Variants in CFTR observed in about 807,000 individuals in gnomAD.
CFTR encodes the protein CF transmembrane conductance regulator.
CFTR carries 181 observed loss-of-function variants against 171.6 expected under a neutral mutation model. That is an observed-to-expected ratio of 1.05 (90% CI 0.93 to 1.19). The LOEUF is 1.19. Ranked by LOEUF, CFTR falls within the 50% of genes most tolerant of loss-of-function variation. The probability of loss-of-function intolerance (pLI) is 0.00; values close to 1 mark genes in which losing one functional copy is unlikely to be tolerated. For missense variants in CFTR, 1,968 were observed against 1,734.7 expected, an observed-to-expected ratio of 1.13 and a Z score of -2.39; for synonymous variants, 583 against 608.0, an observed-to-expected ratio of 0.96 and a Z score of 0.60.
chr7:117,533,471 T>C (rs916182296), intron 4 of CFTR, among the ~76,000 whole-genome samples: 1 of 152,112 alleles, frequency 6.6e-6, no homozygotes, highest in Non-Finnish European at 1.5e-5. Flanking sequence ...GAAGAAGGGA[T>C]TGTGTTTTCA....
intron 1 of CFTR, among the ~76,000 whole-genome samples, chr7:117,492,918 C>T (rs556163899): frequency 6.6e-6 from 1 of 151,994 alleles, no homozygotes; most frequent in Admixed American, 6.6e-5. Flanking sequence ...AAGGAAGTTA[C>T]CATTTTTTTT....
At chr7:117,541,204 G>A (rs548695064) in intron 8 of CFTR, among the ~76,000 whole-genome samples, 5 of 152,202 alleles carry the variant, frequency 3.3e-5, no homozygotes, top group African/African-American at 1.2e-4. Flanking sequence ...GTAGCTCTGG[G>A]AATCATCTTG....
intron 18 of CFTR, among the ~76,000 whole-genome samples, chr7:117,607,691 AAAG>A (rs896966837): frequency 8.5e-5 from 13 of 152,312 alleles, no homozygotes; most frequent in South Asian, 6.2e-4. Flanking sequence ...ATATAAAACA[AAAG>A]AAGGATTATC....
intron 22 of CFTR, among the ~76,000 whole-genome samples, chr7:117,637,603 G>A (rs1429170904): frequency 6.6e-6 from 1 of 151,984 alleles, no homozygotes; most frequent in East Asian, 1.9e-4. Context: ...GGGGCCAGGT[G>A]CGGTGGCTCA....
intron 21 of CFTR, among the ~76,000 whole-genome samples, chr7:117,625,532 A>G (rs769355275): frequency 6.6e-6 from 1 of 152,170 alleles, no homozygotes; most frequent in Non-Finnish European, 1.5e-5. Context: ...TAAATGTTTT[A>G]TAGATTGTTT....
rs1313066907 is a variant in CFTR at position 117,605,233 on chromosome 7, T to G, written c.2909-1441T>G. Among the ~76,000 whole-genome samples the G allele has an allele frequency of 2.6e-5, 4 of 152,260 alleles. No homozygotes were observed. The East Asian group carries it at 7.7e-4, about 29-fold the overall frequency. On this transcript the variant is annotated intron_variant, in intron 17 of 26. Coordinates refer to ENST00000003084, the MANE Select transcript of CFTR (RefSeq NM_000492.4). ...TGAAATATAATAAGCACCAGGATGG[T>G]TTTTTCTTTCCACCAAAGCAAATTT...
intron 22 of CFTR, among the ~76,000 whole-genome samples, chr7:117,629,040 A>T (rs1792697921): frequency 6.6e-6 from 1 of 152,158 alleles, no homozygotes; most frequent in Admixed American, 6.6e-5. Context: ...AAACTCAAGC[A>T]AGCCCTAGTA....
intron 7 of CFTR, among the ~76,000 whole-genome samples, chr7:117,539,167 T>C (rs1055143065): frequency 6.6e-6 from 1 of 152,138 alleles, no homozygotes; most frequent in Non-Finnish European, 1.5e-5. Context: ...CCAATTTGGA[T>C]GGCTTCGGGA....
At chr7:117,572,477 C>A (rs1295652713) in intron 11 of CFTR, among the ~76,000 whole-genome samples, 3 of 152,166 alleles carry the variant, frequency 2.0e-5, no homozygotes, top group African/African-American at 7.2e-5. Context: ...TATTTAGTAT[C>A]TATTTTCTGC....
chr7:117,523,238 T>C (rs958930814), intron 3 of CFTR, among the ~76,000 whole-genome samples: 5 of 152,162 alleles, frequency 3.3e-5, no homozygotes, highest in Non-Finnish European at 5.9e-5. Context: ...TCCCAGCTAC[T>C]TGAGAGGCTA....
chr7:117,491,100 A>G (rs1423339880), intron 1 of CFTR, among the ~76,000 whole-genome samples: 1 of 152,110 alleles, frequency 6.6e-6, no homozygotes, highest in East Asian at 1.9e-4. Context: ...AATATGACAT[A>G]GTCTTTTGCT....
chr7:117,566,838 A>T (rs751028958), intron 11 of CFTR, among the ~76,000 whole-genome samples: 1 of 152,220 alleles, frequency 6.6e-6, no homozygotes, highest in Non-Finnish European at 1.5e-5. Flanking sequence ...CAAAGTGAAA[A>T]TGTGCTGAAT....
intron 4 of CFTR, among the ~76,000 whole-genome samples, chr7:117,533,403 C>G (rs1221020725): frequency 6.6e-6 from 1 of 152,152 alleles, no homozygotes; most frequent in African/African-American, 2.4e-5. Flanking sequence ...CTATTACTTT[C>G]TACTTCCTTA....
chr7:117,637,668 G>C (rs879315373), intron 22 of CFTR, among the ~76,000 whole-genome samples: 1 of 152,142 alleles, frequency 6.6e-6, no homozygotes, highest in Non-Finnish European at 1.5e-5. Flanking sequence ...CCTGAGGTCA[G>C]GAGTTCGAGA....
At chr7:117,586,593 T>C (rs1259978895) in intron 11 of CFTR, among the ~76,000 whole-genome samples, 3 of 152,174 alleles carry the variant, frequency 2.0e-5, no homozygotes, top group Admixed American at 2.0e-4. Flanking sequence ...ATATGGTAGA[T>C]AAATGGAACA....
rs36026445 is a variant in CFTR at position 117,645,180 on chromosome 7, A to G, written c.3873+2587A>G. On this transcript the variant is annotated intron_variant, in intron 23 of 26. Coordinates refer to ENST00000003084, the MANE Select transcript of CFTR (RefSeq NM_000492.4). ...CAAGTGTTTGTAGATTTGAATGATGATTCAGCAGTGTAGCAGTTCTCACTC... is the reference window on the plus strand; with the variant it reads ...CAAGTGTTTGTAGATTTGAATGATGGTTCAGCAGTGTAGCAGTTCTCACTC... Among the ~76,000 whole-genome samples the G allele has an allele frequency of 8.1e-3, 1,239 of 152,272 alleles. 13 individuals are homozygous for G. The highest frequency in any genetic ancestry group is 0.028 in the African/African-American group (1,181 of 41,566).
chr7:117,585,465 G>GA (rs1487489311), intron 11 of CFTR, among the ~76,000 whole-genome samples: 3 of 151,880 alleles, frequency 2.0e-5, no homozygotes, highest in Admixed American at 6.6e-5. Context: ...GTTCAAATTT[G>GA]AAAAAAACAA....
rs758818611 is a variant in CFTR at position 117,667,104 on chromosome 7, T to C, written c.4439T>C (p.Leu1480Pro). The C allele has an allele frequency of 6.2e-7, 1 of 1,613,636 alleles. No individual in the cohort carries two copies. Among genetic ancestry groups the C allele is most frequent in the Non-Finnish European group, 8.5e-7 (1 of 1,179,706 alleles). ...GAAGAAGAGGTGCAAGATACAAGGC[T>C]TTAGAGAGCAGCATAAATGTTGACA... ...ETEEEVQDTR[L>P] The change falls in exon 27 of 27, where the codon CTT becomes CCT. Residue 1480 changes from leucine to proline, a missense_variant. Transcript: ENST00000003084.
chr7:117,611,477 G>A (rs1792383921), intron 19 of CFTR, 104 bp from the exon 20 acceptor site: 3 of 764,296 alleles, frequency 3.9e-6, no homozygotes, highest in Non-Finnish European at 6.9e-6. Context: ...AATGACATTT[G>A]TGATATGATT....
Sources: allele counts gnomAD v4.1 joint callset (sites outside exome capture counted in the v4.1 genomes callset), GRCh38; gene constraint gnomAD v4.1.1; transcripts MANE v1.5; gene names NCBI Gene and HGNC (gene_info 2026-07-23, HGNC 2026-07-21).